Variants in FHAD1 observed in about 807,000 individuals in gnomAD.
The protein encoded by FHAD1 is forkhead associated phosphopeptide binding domain 1, also known as forkhead-associated domain-containing protein 1.
Under a neutral mutation model 191.3 loss-of-function variants are expected in FHAD1, and 146 were observed. The observed-to-expected ratio is 0.76, with a 90% CI of 0.67 to 0.88. FHAD1 has a LOEUF of 0.88. FHAD1 is among the 40% of genes least tolerant of loss of function. The probability of loss-of-function intolerance (pLI) is 0.00; values close to 1 mark genes in which losing one functional copy is unlikely to be tolerated. For missense variants in FHAD1, 1,635 were observed against 1,785.8 expected, an observed-to-expected ratio of 0.92 and a Z score of 1.52; for synonymous variants, 616 against 672.3, an observed-to-expected ratio of 0.92 and a Z score of 1.29.
chr1:15,236,700 G>A (rs1273931767), exon 1 of FHAD1, among the ~76,000 whole-genome samples: 2 of 152,192 alleles, frequency 1.3e-5, no homozygotes, highest in Non-Finnish European at 2.9e-5. Flanking sequence ...GTATTGCTGA[G>A]GAGCCAGAGA....
intron 33 of FHAD1, among the ~76,000 whole-genome samples, chr1:15,396,913 G>A (rs931868949): frequency 2.0e-5 from 3 of 151,826 alleles, no homozygotes; most frequent in Admixed American, 6.6e-5. Flanking sequence ...GGCTGGGTGC[G>A]GTGGCTCAAG....
At chr1:15,339,575 T>C in intron 15 of FHAD1, 24 bp downstream of exon 15, 1 of 1,219,468 alleles carries the variant, frequency 8.2e-7, no homozygotes, top group Non-Finnish European at 1.1e-6. Context: ...TTTCTTTTTT[T>C]CCAAAGTTCA....
At chr1:15,298,196 C>T (rs541142078) in intron 5 of FHAD1, among the ~76,000 whole-genome samples, 1 of 152,214 alleles carries the variant, frequency 6.6e-6, no homozygotes, top group Admixed American at 6.5e-5. Context: ...TACTATGCAG[C>T]CATAAAAAGG....
chr1:15,394,931 G>T (rs1213926773), intron 33 of FHAD1, among the ~76,000 whole-genome samples: 1 of 152,156 alleles, frequency 6.6e-6, no homozygotes, highest in African/African-American at 2.4e-5. Flanking sequence ...TTGCGAGAGA[G>T]ATCTTGGGTT....
At chr1:15,343,034 G>A (rs939224876) in intron 16 of FHAD1, among the ~76,000 whole-genome samples, 3 of 152,168 alleles carry the variant, frequency 2.0e-5, no homozygotes, top group African/African-American at 7.2e-5. Flanking sequence ...CTGGCATCAA[G>A]TGATCCTCCC....
At chr1:15,308,075 G>A (rs80113590) in intron 6 of FHAD1, among the ~76,000 whole-genome samples, 7 of 152,184 alleles carry the variant, frequency 4.6e-5, no homozygotes, top group Non-Finnish European at 7.3e-5. Flanking sequence ...TTATCACAGC[G>A]TGAAAACAGA....
chr1:15,289,605 C>A lies in FHAD1; in HGVS notation c.507C>A (p.Ala169=). 1 of 1,551,738 alleles carries A rather than the reference C, an allele frequency of 6.4e-7. No homozygotes were observed. Among genetic ancestry groups the A allele is most frequent in the Non-Finnish European group, 8.7e-7 (1 of 1,146,986 alleles). The part of the protein sequence containing the change: ...LPASHRRPVS[A]NKEMFSFVVD... ...CCTCCCACAGGCGGCCTGTGAGCGC[C>A]AACAAGGAGATGTTCTCGTTCGTGG... is the stretch of plus-strand genomic sequence containing the variant. Residue 169 remains alanine (A), a synonymous_variant, in exon 4 of 34, where the codon GCC becomes GCA. Coordinates refer to ENST00000688493, the MANE Select transcript of FHAD1 (RefSeq NM_001391957.1). The surrounding 1 kb of genome is among the most constrained non-coding windows in gnomAD (Gnocchi z 4.2).
intron 31 of FHAD1, among the ~76,000 whole-genome samples, chr1:15,382,968 G>C (rs1343374666): frequency 2.0e-5 from 3 of 152,196 alleles, no homozygotes; most frequent in African/African-American, 7.2e-5. Flanking sequence ...CCAGTCTCAG[G>C]CTGGTGACCC....
chr1:15,371,827 A>C (rs1031841768), intron 26 of FHAD1, among the ~76,000 whole-genome samples: 1 of 152,248 alleles, frequency 6.6e-6, no homozygotes, highest in Admixed American at 6.5e-5. Flanking sequence ...TACTAAGCGC[A>C]GGCAGGGTGG....
intron 2 of FHAD1, among the ~76,000 whole-genome samples, chr1:15,253,213 G>A (rs1335275226): frequency 6.6e-6 from 1 of 151,854 alleles, no homozygotes; most frequent in African/African-American, 2.4e-5. Flanking sequence ...AGGACAATGT[G>A]TGTAGTTCTG....
intron 33 of FHAD1, among the ~76,000 whole-genome samples, chr1:15,396,537 G>T (rs952909774): frequency 2.6e-5 from 4 of 152,118 alleles, no homozygotes; most frequent in Admixed American, 1.3e-4. Flanking sequence ...AGCCGGGTGT[G>T]GTGGCTTATG....
At chr1:15,390,422 C>T (rs925087762) in intron 32 of FHAD1, among the ~76,000 whole-genome samples, 6 of 151,260 alleles carry the variant, frequency 4.0e-5, no homozygotes, top group Non-Finnish European at 4.4e-5. Flanking sequence ...CTTGGATCTG[C>T]TGGTGACACT....
At chr1:15,313,740 G>A (rs1158090525) in intron 8 of FHAD1, among the ~76,000 whole-genome samples, 1 of 152,082 alleles carries the variant, frequency 6.6e-6, no homozygotes, top group African/African-American at 2.4e-5. Context: ...TATTCTGTGT[G>A]GAGTGAACCT....
At chr1:15,345,243 G>C in intron 17 of FHAD1, 53 bp downstream of exon 17, 1 of 1,473,282 alleles carries the variant, frequency 6.8e-7, no homozygotes, top group Non-Finnish European at 9.3e-7. Flanking sequence ...AGCTAGGAAG[G>C]GTGGATCTGG....
intron 21 of FHAD1, among the ~76,000 whole-genome samples, chr1:15,359,721 C>G (rs554295503): frequency 6.6e-6 from 1 of 151,936 alleles, no homozygotes; most frequent in Non-Finnish European, 1.5e-5. Context: ...GAGGCCGAGG[C>G]GGGCGGATCA....
intron 1 of FHAD1, among the ~76,000 whole-genome samples, chr1:15,241,443 C>T: frequency 6.6e-6 from 1 of 152,082 alleles, no homozygotes; most frequent in Non-Finnish European, 1.5e-5. Flanking sequence ...CACCTGAGGT[C>T]AGGAGTTCGA....
At chr1:15,346,822 C>G (rs1689083060) in intron 18 of FHAD1, among the ~76,000 whole-genome samples, 1 of 152,200 alleles carries the variant, frequency 6.6e-6, no homozygotes, top group South Asian at 2.1e-4. Context: ...CTGCAGCAGA[C>G]CTACCGCTGC....
At chr1:15,313,406 T>C (rs1462377065) in intron 8 of FHAD1, among the ~76,000 whole-genome samples, 1 of 152,116 alleles carries the variant, frequency 6.6e-6, no homozygotes, top group East Asian at 1.9e-4. Context: ...GCCACATTCT[T>C]TGCACCTTTT....
intron 4 of FHAD1, among the ~76,000 whole-genome samples, chr1:15,296,014 C>A (rs1666840862): frequency 6.6e-6 from 1 of 152,184 alleles, no homozygotes; most frequent in African/African-American, 2.4e-5. Flanking sequence ...ATTCATGCCC[C>A]TAAATGATAT....
Sources: allele counts gnomAD v4.1 joint callset (sites outside exome capture counted in the v4.1 genomes callset), GRCh38; gene constraint gnomAD v4.1.1; non-coding constraint Gnocchi (gnomAD v3.1); transcripts MANE v1.5; gene names NCBI Gene and HGNC (gene_info 2026-07-23, HGNC 2026-07-21).